The following EPHA7 variants were observed in gnomAD, a reference collection of about 807,000 sequenced individuals.
EPHA7 encodes EPH receptor A7.
In EPHA7, 25 loss-of-function variants were observed where a neutral mutation model predicts 112.6. The observed-to-expected ratio is 0.22, with a 90% CI of 0.16 to 0.31. The LOEUF (loss-of-function observed/expected upper bound fraction) is 0.31. Among genes scored for constraint, EPHA7 ranks in the 10% least tolerant of loss-of-function variants. The pLI is 1.00. For missense variants in EPHA7, 962 were observed against 1,212.6 expected (o/e 0.79, Z 3.07); for synonymous variants, 437 against 406.5 (o/e 1.07, Z -0.90).
intron 3 of EPHA7, among the ~76,000 whole-genome samples, chr6:93,367,269 G>A (rs1776561771): frequency 1.3e-5 from 2 of 151,972 alleles, no homozygotes; most frequent in African/African-American, 4.8e-5. Flanking sequence ...CAGACAGGAG[G>A]CACAATTTTC....
At chr6:93,246,242 G>A (rs1316845400) in intron 15 of EPHA7, among the ~76,000 whole-genome samples, 1 of 151,786 alleles carries the variant, frequency 6.6e-6, no homozygotes, top group Non-Finnish European at 1.5e-5. Context: ...AGTAGAGATG[G>A]GGTTTCACTG....
Position 93,410,405 on chromosome 6 carries a change from G to A in EPHA7, c.832+96C>T. On this transcript the variant is annotated intron_variant, in intron 3 of 16. Coordinates refer to ENST00000369303, the MANE Select transcript of EPHA7 (RefSeq NM_004440.4). The surrounding 1 kb of genome is among the most constrained non-coding windows in gnomAD (Gnocchi z 4.0). ...TACTGAATTGCGCTTCTGGTACAGAGCAGATTCACGTATTCAAATAACTAT... is the reference window on the plus strand; with the variant it reads ...TACTGAATTGCGCTTCTGGTACAGAACAGATTCACGTATTCAAATAACTAT... 1.8e-6 allele frequency: 2 copies of A among 1,141,704 alleles called. No individual in the cohort carries two copies. Among genetic ancestry groups the A allele is most frequent in the Non-Finnish European group, 1.3e-6 (1 of 798,804 alleles). The allele number at this position is 1,141,704 out of a possible 1,614,324, so 70.7% of individuals were successfully genotyped here.
chr6:93,369,180 CCACACACACACACACA>C (rs35708007), intron 3 of EPHA7, among the ~76,000 whole-genome samples: 1 of 144,818 alleles, frequency 6.9e-6, no homozygotes, highest in African/African-American at 2.6e-5. Flanking sequence ...AAAATAAAGG[CCACACACACACACACA>C]CACACACACA....
rs761641519 is a variant in EPHA7, at chr6:93,410,708, T to C, written c.625A>G (p.Ile209Val). The change falls in exon 3 of 17, where the codon ATT (isoleucine) becomes GTT (valine). Residue 209 changes from isoleucine to valine, a missense_variant. Coordinates refer to ENST00000369303, the MANE Select transcript of EPHA7 (RefSeq NM_004440.4). The surrounding 1 kb of genome is among the most constrained non-coding windows in gnomAD (Gnocchi z 4.0). ...TCTGGAAAGATAGCTAAGTTCTCAA[T>C]AATGGACCAGCACTTCTTGTAGTAC... ...KVYYKKCWSI[I>V]ENLAIFPDTV... The C allele has an allele frequency of 5.0e-6, 8 of 1,613,926 alleles. No homozygotes were observed. The highest frequency in any genetic ancestry group is 4.4e-5 in the South Asian group (4 of 91,090).
At position 93,255,893 on chromosome 6, in the gene EPHA7, T is replaced by G; in HGVS notation, c.2317A>C (p.Lys773Gln). 1 of 1,614,104 alleles carries G rather than the reference T, an allele frequency of 6.2e-7. No individual in the cohort carries two copies. The highest frequency in any genetic ancestry group is 1.1e-5 in the South Asian group (1 of 91,088). The change falls in exon 13 of 17, where the codon AAA (lysine) becomes CAA (glutamine). Residue 773 changes from lysine (K) to glutamine (Q), a missense_variant. Lys to Gln is a moderately conservative substitution (Grantham distance 53). This residue lies in a region of EPHA7 where 746 missense variants were observed against 889.2 expected (regional missense o/e 0.84). Coordinates refer to ENST00000369303, the MANE Select transcript of EPHA7 (RefSeq NM_004440.4). ...NILVNSNLVC[K>Q]VSDFGLSRVI... ...CGGGACAGGCCAAAATCTGACACTT[T>G]ACAAACGAGATTGCTGTTGACAAGA...
At chr6:93,243,562 T>G in intron 16 of EPHA7, 22 bp from the exon 17 acceptor site, 1 of 1,503,818 alleles carries the variant, frequency 6.6e-7, no homozygotes, top group Non-Finnish European at 9.3e-7. Context: ...AAATGCACTT[T>G]TTATTAGGTA....
At chr6:93,386,792 G>A (rs564707195) in intron 3 of EPHA7, among the ~76,000 whole-genome samples, 2 of 152,254 alleles carry the variant, frequency 1.3e-5, no homozygotes, top group African/African-American at 4.8e-5. Flanking sequence ...AACACCACAT[G>A]GAAGTTGCCA....
intron 5 of EPHA7, among the ~76,000 whole-genome samples, chr6:93,279,281 A>G (rs951855679): frequency 9.9e-5 from 15 of 152,164 alleles, no homozygotes; most frequent in African/African-American, 3.4e-4. Context: ...GTATTTTATA[A>G]CATATCATTT....
intron 3 of EPHA7, among the ~76,000 whole-genome samples, chr6:93,397,372 T>A (rs646079): frequency 5.3e-5 from 8 of 151,682 alleles, no homozygotes; most frequent in Non-Finnish European, 2.9e-5. Context: ...AAAATTCTTC[T>A]TCCAATATGG....
At chr6:93,298,181 A>C (rs1772772828) in intron 5 of EPHA7, among the ~76,000 whole-genome samples, 2 of 152,280 alleles carry the variant, frequency 1.3e-5, no homozygotes, top group Admixed American at 1.3e-4. Flanking sequence ...TTAGTCTTTC[A>C]AAATAATGTG....
chr6:93,320,587 T>C (rs1774020541), intron 5 of EPHA7, among the ~76,000 whole-genome samples: 2 of 152,122 alleles, frequency 1.3e-5, no homozygotes, highest in East Asian at 3.9e-4. Flanking sequence ...TGTAGAAGTA[T>C]AATGCTTAGT....
chr6:93,357,396 C>T (rs1313194412), intron 4 of EPHA7, among the ~76,000 whole-genome samples: 1 of 152,122 alleles, frequency 6.6e-6, no homozygotes, highest in Non-Finnish European at 1.5e-5. Context: ...AAAAAAACAG[C>T]TGTGCAGTAG....
chr6:93,267,169 A>G (rs966045749), intron 7 of EPHA7, among the ~76,000 whole-genome samples: 1 of 151,782 alleles, frequency 6.6e-6, no homozygotes, highest in Non-Finnish European at 1.5e-5. Context: ...TAACCAATAT[A>G]AAACATTTTT....
At chr6:93,304,159 T>C (rs1229430999) in intron 5 of EPHA7, among the ~76,000 whole-genome samples, 1 of 151,898 alleles carries the variant, frequency 6.6e-6, no homozygotes, top group African/African-American at 2.4e-5. Context: ...ACTATACTTG[T>C]AGTATAGTAA....
At position 93,411,044 on chromosome 6, in the gene EPHA7, T is replaced by G. The variant is rs750604836; in HGVS notation, c.289A>C (p.Arg97=). 18 of 1,613,956 alleles carry G rather than the reference T, an allele frequency of 1.1e-5. No individual in the cohort carries two copies. The East Asian group carries it at 4.0e-4, about 36-fold the overall frequency. The change falls in exon 3 of 17, where the codon AGG becomes CGG. Residue 97 remains arginine, a synonymous_variant. Transcript: ENST00000369303. ...GTGAATTTCAATTCTACAAAAATCC[T>G]TTGTGCATTGCCTTTGGAAATCCAG... ...TNWISKGNAQ[R]IFVELKFTLR... is the part of the protein sequence containing the mutation.
chr6:93,417,295 T>A (rs2127999109), intron 1 of EPHA7, among the ~76,000 whole-genome samples: 1 of 152,144 alleles, frequency 6.6e-6, no homozygotes, highest in Middle Eastern at 3.4e-3. Flanking sequence ...AGCCCTTGGG[T>A]ACTGCGGGCC....
chr6:93,343,654 A>G (rs1014552245), intron 5 of EPHA7, among the ~76,000 whole-genome samples: 11 of 151,692 alleles, frequency 7.3e-5, no homozygotes, highest in Non-Finnish European at 1.5e-5. Context: ...TAAACTGTTC[A>G]TGATTTGTCA....
chr6:93,410,448 G>C lies in EPHA7; in HGVS notation c.832+53C>G, dbSNP rs1778920263. On this transcript the variant is annotated intron_variant, in intron 3 of 16. Coordinates refer to ENST00000369303, the MANE Select transcript of EPHA7 (RefSeq NM_004440.4). This position sits in a 1 kb window ranked among gnomAD's most constrained non-coding sequence, Gnocchi z 4.0. ...ATAACTATTAAAGTTTAAAATGTCT[G>C]ATACTGAAATTTAAAAAGGCAAAGT... The C allele has an allele frequency of 6.8e-7, 1 of 1,478,050 alleles. No homozygotes were observed. The highest frequency in any genetic ancestry group is 1.4e-5 in the African/African-American group (1 of 71,218). 91.6% of individuals were successfully genotyped at this position (1,478,050 alleles called of 1,614,324 possible).
intron 3 of EPHA7, among the ~76,000 whole-genome samples, chr6:93,395,452 A>T (rs2127984586): frequency 6.6e-6 from 1 of 151,966 alleles, no homozygotes; most frequent in East Asian, 1.9e-4. Flanking sequence ...CTCTGCATGT[A>T]AAATGTCATG....
Sources: allele counts gnomAD v4.1 joint callset (sites outside exome capture counted in the v4.1 genomes callset), GRCh38; gene constraint gnomAD v4.1.1; regional missense constraint gnomAD v4.1.1; non-coding constraint Gnocchi (gnomAD v3.1); transcripts MANE v1.5; gene names NCBI Gene and HGNC (gene_info 2026-07-23, HGNC 2026-07-21).